SMARCC1: variants seen among roughly 807,000 people sequenced by gnomAD.
The protein encoded by SMARCC1 is SWI/SNF related BAF chromatin remodeling complex subunit C1, also known as SWI/SNF complex subunit SMARCC1.
SMARCC1 carries 43 observed loss-of-function variants against 147.4 expected under a neutral mutation model. The observed-to-expected ratio is 0.29, with a 90% CI of 0.23 to 0.38. The LOEUF is 0.38. SMARCC1 is among the 10% of genes least tolerant of loss of function. SMARCC1 has a pLI of 1.00. For synonymous variants in SMARCC1, 495 were observed against 484.4 expected (o/e 1.02, Z -0.29); for missense variants, 1,119 against 1,381.1 (o/e 0.81, Z 3.01).
intron 26 of SMARCC1, among the ~76,000 whole-genome samples, chr3:47,602,858 GC>G (rs2032410896): frequency 6.6e-6 from 1 of 152,140 alleles, no homozygotes. Context: ...TATTACAAAT[GC>G]CTAGGACGGG....
chr3:47,734,837 A>G (rs1403749133), intron 5 of SMARCC1, among the ~76,000 whole-genome samples: 1 of 152,194 alleles, frequency 6.6e-6, no homozygotes, highest in East Asian at 1.9e-4. Context: ...AGCTCACTGC[A>G]ACCTCCACTT....
chr3:47,753,479 C>T (rs1038933486), intron 2 of SMARCC1, among the ~76,000 whole-genome samples: 4 of 151,552 alleles, frequency 2.6e-5, no homozygotes, highest in Admixed American at 6.6e-5. Flanking sequence ...TTTGGGAGGC[C>T]GAGGCGGGCG....
At chr3:47,624,204 T>C (rs545462975) in intron 24 of SMARCC1, among the ~76,000 whole-genome samples, 3 of 152,042 alleles carry the variant, frequency 2.0e-5, no homozygotes, top group African/African-American at 7.2e-5. Flanking sequence ...GGCATAAGAA[T>C]CGCTTAAAGC....
At chr3:47,697,392 C>A (rs2033866826) in intron 11 of SMARCC1, among the ~76,000 whole-genome samples, 1 of 151,750 alleles carries the variant, frequency 6.6e-6, no homozygotes, top group South Asian at 2.1e-4. Context: ...CCTCCGCCTC[C>A]CGGGTTCAAG....
intron 3 of SMARCC1, among the ~76,000 whole-genome samples, chr3:47,743,158 C>T (rs1418288400): frequency 6.6e-6 from 1 of 152,150 alleles, no homozygotes; most frequent in Non-Finnish European, 1.5e-5. Flanking sequence ...TTCTGAGAGG[C>T]ATGTTAGGCA....
intron 26 of SMARCC1, chr3:47,603,849 C>T (rs1048249522): frequency 1.0e-4 from 36 of 353,452 alleles, no homozygotes; most frequent in South Asian, 5.9e-4. Flanking sequence ...AGATACTTCC[C>T]GTGTCTTTTT....
At chr3:47,616,104 T>C (rs1417835074) in intron 25 of SMARCC1, among the ~76,000 whole-genome samples, 1 of 152,218 alleles carries the variant, frequency 6.6e-6, no homozygotes, top group Non-Finnish European at 1.5e-5. Flanking sequence ...TCAAAGTGTC[T>C]TTTAAAAAAA....
In SMARCC1 at chr3:47,706,493, G is replaced by A. The variant is rs1207580327; in HGVS notation, c.956C>T (p.Ser319Leu). 3.2e-6 allele frequency: 5 copies of A among 1,585,150 alleles called. No homozygotes were observed. The highest frequency in any genetic ancestry group is 4.3e-6 in the Non-Finnish European group (5 of 1,168,970). ...ATGTTTCCTCTTTCGAGCATTAGCT[G>A]ATGCTTTTCTATCTCTTCTTTCTGG... Reference protein sequence around the residue: ...RSPERRDRKASANARKRKHSP... With the variant: ...RSPERRDRKALANARKRKHSP... The change falls in exon 10 of 28, where the codon TCA becomes TTA. Residue 319 changes from serine (S) to leucine (L), a missense_variant. Ser to Leu is a moderately radical substitution (Grantham distance 145). Coordinates refer to ENST00000254480, the MANE Select transcript of SMARCC1 (RefSeq NM_003074.4).
intron 10 of SMARCC1, among the ~76,000 whole-genome samples, 199 bp downstream of exon 10, chr3:47,706,210 G>A (rs1444251922): frequency 1.3e-5 from 2 of 150,098 alleles, no homozygotes; most frequent in Non-Finnish European, 3.0e-5. Flanking sequence ...TAGCTGGGAT[G>A]ACAGGCGTGC....
chr3:47,736,276 T>C, intron 4 of SMARCC1, 150 bp from the exon 5 acceptor site: 1 of 555,288 alleles, frequency 1.8e-6, no homozygotes, highest in Non-Finnish European at 3.1e-6. Context: ...AACTTTTTCA[T>C]TAAGATACCA....
intron 13 of SMARCC1, 59 bp from the exon 14 acceptor site, chr3:47,686,229 A>T: frequency 7.6e-7 from 1 of 1,320,926 alleles, no homozygotes; most frequent in Non-Finnish European, 1.1e-6. Context: ...GATATATATA[A>T]CATCTCTTAC....
chr3:47,652,135 A>C (rs954288419), intron 21 of SMARCC1, among the ~76,000 whole-genome samples: 1 of 152,066 alleles, frequency 6.6e-6, no homozygotes, highest in Non-Finnish European at 1.5e-5. Context: ...ATGCTCAGCT[A>C]ATTTTTTTAT....
intron 25 of SMARCC1, among the ~76,000 whole-genome samples, chr3:47,619,963 T>C (rs1363798288): frequency 6.6e-6 from 1 of 152,194 alleles, no homozygotes; most frequent in Non-Finnish European, 1.5e-5. Flanking sequence ...CTTTAAATAA[T>C]GCAAGAAGAT....
chr3:47,779,984 G>C (rs761109184), intron 1 of SMARCC1, among the ~76,000 whole-genome samples: 1 of 152,016 alleles, frequency 6.6e-6, no homozygotes, highest in Non-Finnish European at 1.5e-5. Context: ...GTGTAAGAAA[G>C]GGCAATATTA....
chr3:47,605,494 G>A (rs1025491855), intron 26 of SMARCC1, among the ~76,000 whole-genome samples: 5 of 152,104 alleles, frequency 3.3e-5, no homozygotes, highest in Non-Finnish European at 7.4e-5. Context: ...AGATGTGGCC[G>A]GGCATGGTGG....
intron 9 of SMARCC1, among the ~76,000 whole-genome samples, chr3:47,709,577 T>C (rs1559651032): frequency 6.6e-6 from 1 of 151,976 alleles, no homozygotes; most frequent in Non-Finnish European, 1.5e-5. Context: ...TCCCAACTAC[T>C]TGGGAGGCTG....
chr3:47,765,197 G>A (rs1304290108), intron 2 of SMARCC1, among the ~76,000 whole-genome samples: 1 of 152,096 alleles, frequency 6.6e-6, no homozygotes, highest in Non-Finnish European at 1.5e-5. Flanking sequence ...GTTGCAGTAA[G>A]CCGAGATCGT....
At chr3:47,721,544 GCAAACAAA>G (rs549019718) in intron 6 of SMARCC1, among the ~76,000 whole-genome samples, 12 of 152,120 alleles carry the variant, frequency 7.9e-5, no homozygotes, top group Admixed American at 5.2e-4. Context: ...AAAGCCCACA[GCAAACAAA>G]CAAACAAACA....
At chr3:47,651,065 G>GA (rs2033183438) in intron 21 of SMARCC1, among the ~76,000 whole-genome samples, 1 of 152,170 alleles carries the variant, frequency 6.6e-6, no homozygotes, top group African/African-American at 2.4e-5. Flanking sequence ...AGCTCTTTGG[G>GA]ACGCTAAGGC....
Sources: allele counts gnomAD v4.1 joint callset (sites outside exome capture counted in the v4.1 genomes callset), GRCh38; gene constraint gnomAD v4.1.1; transcripts MANE v1.5; gene names NCBI Gene and HGNC (gene_info 2026-07-23, HGNC 2026-07-21).